The following BPIFC variants were observed in gnomAD, a reference collection of about 807,000 sequenced individuals.
The protein encoded by BPIFC is BPI fold-containing family C protein.
In BPIFC, 60 loss-of-function variants were observed where a neutral mutation model predicts 57.6. That is an observed-to-expected ratio of 1.04 (90% CI 0.85 to 1.29). The LOEUF is 1.29. BPIFC is among the 50% of genes most tolerant of loss of function. The pLI is 0.00. For synonymous variants in BPIFC, 243 were observed against 224.5 expected, an observed-to-expected ratio of 1.08 and a Z score of -0.74; for missense variants, 581 against 600.5, an observed-to-expected ratio of 0.97 and a Z score of 0.34.
At chr22:32,424,753 C>CTCTTCTTCTTCCTCTTCT (rs1934005259) in intron 13 of BPIFC, among the ~76,000 whole-genome samples, 1 of 35,492 alleles carries the variant, frequency 2.8e-5, no homozygotes, top group Non-Finnish European at 4.9e-5. Flanking sequence ...CTTCTTCTTC[C>CTCTTCTTCTTCCTCTTCT]TCTTCTTCTT....
intron 13 of BPIFC, among the ~76,000 whole-genome samples, chr22:32,424,574 T>TTTCTTCTTCTACTTC (rs1379670000): frequency 1.5e-5 from 1 of 68,964 alleles, no homozygotes; most frequent in East Asian, 4.7e-4. Context: ...TGTTATTTTC[T>TTTCTTCTTCTACTTC]TTCTTCTTCT....
intron 8 of BPIFC, among the ~76,000 whole-genome samples, chr22:32,439,745 G>A (rs535532486): frequency 6.6e-6 from 1 of 152,152 alleles, no homozygotes; most frequent in East Asian, 1.9e-4. Flanking sequence ...CACCCAAGTA[G>A]CTGGGATTAC....
intron 13 of BPIFC, among the ~76,000 whole-genome samples, chr22:32,426,900 AAAAG>A (rs975154210): frequency 1.3e-4 from 16 of 123,664 alleles, no homozygotes; most frequent in South Asian, 2.4e-4. Flanking sequence ...TGAAAAAAAA[AAAAG>A]AAAGAAAGAA....
intron 4 of BPIFC, among the ~76,000 whole-genome samples, chr22:32,447,888 C>T: frequency 6.6e-6 from 1 of 152,172 alleles, no homozygotes; most frequent in East Asian, 1.9e-4. Flanking sequence ...GGATTACAGG[C>T]ATGAGACACC....
chr22:32,448,995 T>C (rs1934812860), intron 4 of BPIFC, among the ~76,000 whole-genome samples: 1 of 152,116 alleles, frequency 6.6e-6, no homozygotes, highest in African/African-American at 2.4e-5. Flanking sequence ...CTGCCAGGCA[T>C]TGTGGTAAGT....
intron 14 of BPIFC, 107 bp from the exon 15 acceptor site, chr22:32,417,255 A>T: frequency 4.0e-6 from 3 of 758,884 alleles, no homozygotes; most frequent in Admixed American, 2.6e-5. Flanking sequence ...GGCTCTCTCC[A>T]GCCTCGAACT....
chr22:32,415,138 C>T (rs1227772367), intron 16 of BPIFC, among the ~76,000 whole-genome samples: 2 of 152,236 alleles, frequency 1.3e-5, no homozygotes, highest in African/African-American at 4.8e-5. Flanking sequence ...ACCTAAATCC[C>T]TTGCACAGGC....
intron 4 of BPIFC, among the ~76,000 whole-genome samples, chr22:32,449,494 C>T (rs1471668987): frequency 6.6e-6 from 1 of 152,190 alleles, no homozygotes; most frequent in Non-Finnish European, 1.5e-5. Context: ...TCCTGAGTCC[C>T]ACTGTGGGAA....
In BPIFC at chr22:32,447,340, A is replaced by G. The variant is rs772999662; in HGVS notation, c.246T>C (p.Asn82=). 6 of 1,611,670 alleles carry G rather than the reference A, an allele frequency of 3.7e-6. No individual in the cohort carries two copies. In the East Asian group the frequency reaches 8.9e-5, roughly 24 times the overall value. Residue 82 remains asparagine, a splice_region_variant and synonymous_variant, in exon 5 of 17, where the codon AAT becomes AAC. Coordinates refer to ENST00000300399, the MANE Select transcript of BPIFC (RefSeq NM_174932.3). ...GAAATGAAAAGGCACTGATTTTTAT[A>G]CTGTAAAACCAGAAACAAGAAGTTA... ...KVDYVNYNFS[N]IKISAFSFPN...
rs749506833 is a variant in BPIFC, at chr22:32,447,307, G to T, written c.279C>A (p.Thr93=). 1 of 1,613,782 alleles carries T rather than the reference G, an allele frequency of 6.2e-7. No individual in the cohort carries two copies. Among genetic ancestry groups the T allele is most frequent in the Non-Finnish European group, 8.5e-7 (1 of 1,179,972 alleles). ...CCACTCCAGGCACAAAAGCCAATGAGGTATTTGGAAATGAAAAGGCACTGA... is the reference window on the plus strand; with the variant it reads ...CCACTCCAGGCACAAAAGCCAATGATGTATTTGGAAATGAAAAGGCACTGA... The part of the protein sequence containing the change: ...IKISAFSFPN[T]SLAFVPGVGI... Residue 93 remains threonine (T), a synonymous_variant, in exon 5 of 17, where the codon ACC becomes ACA. Coordinates refer to ENST00000300399, the MANE Select transcript of BPIFC (RefSeq NM_174932.3).
intron 4 of BPIFC, among the ~76,000 whole-genome samples, chr22:32,450,092 A>G (rs997170759): frequency 6.5e-5 from 5 of 76,486 alleles, no homozygotes; most frequent in Admixed American, 4.8e-4. Context: ...GTCAAAGAGC[A>G]TACACACACA....
intron 13 of BPIFC, among the ~76,000 whole-genome samples, chr22:32,427,323 A>G (rs1415764793): frequency 2.0e-5 from 3 of 152,196 alleles, no homozygotes; most frequent in Non-Finnish European, 4.4e-5. Flanking sequence ...CCTGGTCTCC[A>G]TGCTTCTTAA....
intron 13 of BPIFC, among the ~76,000 whole-genome samples, chr22:32,423,671 CAAA>C (rs35855393): frequency 7.2e-6 from 1 of 138,312 alleles, no homozygotes; most frequent in African/African-American, 2.7e-5. Flanking sequence ...AATGCAATGT[CAAA>C]AAAAAAACAA....
intron 4 of BPIFC, among the ~76,000 whole-genome samples, chr22:32,447,595 C>T (rs2145953703): frequency 6.7e-6 from 1 of 148,390 alleles, no homozygotes; most frequent in East Asian, 2.0e-4. Context: ...AATTTTTCTT[C>T]TCTCTCGCTC....
chr22:32,430,447 A>G (rs2145926962), intron 13 of BPIFC, among the ~76,000 whole-genome samples: 1 of 150,876 alleles, frequency 6.6e-6, no homozygotes, highest in African/African-American at 2.4e-5. Context: ...TCTATTACAG[A>G]ATTATATATA....
intron 2 of BPIFC, among the ~76,000 whole-genome samples, chr22:32,460,352 G>A (rs1477570987): frequency 6.6e-6 from 1 of 152,220 alleles, no homozygotes. Flanking sequence ...CTGGAATTTT[G>A]TCTAGTGCAC....
chr22:32,454,984 T>C (rs1934998114), intron 3 of BPIFC, among the ~76,000 whole-genome samples: 1 of 152,112 alleles, frequency 6.6e-6, no homozygotes, highest in East Asian at 1.9e-4. Context: ...GCGCTTTACG[T>C]ATGTTAATTC....
At chr22:32,444,268 G>C (rs1053790462) in intron 7 of BPIFC, among the ~76,000 whole-genome samples, 11 of 152,122 alleles carry the variant, frequency 7.2e-5, no homozygotes, top group African/African-American at 2.7e-4. Context: ...ACACTCATTG[G>C]CACTCAGCAT....
intron 9 of BPIFC, among the ~76,000 whole-genome samples, chr22:32,436,301 AAAG>A (rs990247940): frequency 2.7e-5 from 4 of 150,728 alleles, no homozygotes; most frequent in African/African-American, 9.7e-5. Context: ...ACCTTGTCCA[AAAG>A]AAGAAGAGGA....
Sources: gnomAD v4.1 joint callset for allele counts (sites outside exome capture counted in the v4.1 genomes callset) on GRCh38, gnomAD v4.1.1 for gene constraint, MANE v1.5 for transcripts, NCBI Gene and HGNC (gene_info 2026-07-23, HGNC 2026-07-21) for gene names.